SNX24: variants seen among roughly 807,000 people sequenced by gnomAD.
The protein encoded by SNX24 is sorting nexin-24.
In SNX24, 22 loss-of-function variants were observed where a neutral mutation model predicts 28.7. That is an observed-to-expected ratio of 0.77 (90% CI 0.55 to 1.10). The LOEUF (loss-of-function observed/expected upper bound fraction) is 1.10. Ranked by LOEUF, SNX24 falls within the 50% of genes least tolerant of loss-of-function variation. The pLI is 0.00. For missense variants in SNX24, 221 were observed against 201.1 expected (o/e 1.10, Z -0.60); for synonymous variants, 69 against 71.5 (o/e 0.96, Z 0.18).
At chr5:122,861,828 G>A (rs1755472865) in intron 1 of SNX24, among the ~76,000 whole-genome samples, 1 of 152,020 alleles carries the variant, frequency 6.6e-6, no homozygotes, top group Admixed American at 6.6e-5. Context: ...AATCTCACCA[G>A]CTGCCTTTTC....
chr5:122,958,848 C>T (rs1760335793), intron 3 of SNX24, among the ~76,000 whole-genome samples: 1 of 152,094 alleles, frequency 6.6e-6, no homozygotes, highest in Non-Finnish European at 1.5e-5. Flanking sequence ...GCATGAGCCA[C>T]CCCACCTGGC....
intron 1 of SNX24, among the ~76,000 whole-genome samples, chr5:122,872,738 A>G (rs1223821555): frequency 6.6e-6 from 1 of 151,354 alleles, no homozygotes; most frequent in African/African-American, 2.4e-5. Flanking sequence ...TTTGTTTTCT[A>G]TTCACAGTCG....
At chr5:122,895,008 CTTT>C (rs11292012) in intron 1 of SNX24, among the ~76,000 whole-genome samples, 15 of 144,434 alleles carry the variant, frequency 1.0e-4, no homozygotes, top group East Asian at 2.0e-4. Context: ...TTTAACAGTA[CTTT>C]TTTTTTTTTT....
intron 1 of SNX24, among the ~76,000 whole-genome samples, chr5:122,876,281 C>T (rs1381380293): frequency 6.6e-6 from 1 of 152,168 alleles, no homozygotes; most frequent in Non-Finnish European, 1.5e-5. Context: ...TAAAAGCAGC[C>T]TTTGCCTAGA....
chr5:122,946,603 G>A (rs937051365), intron 3 of SNX24, among the ~76,000 whole-genome samples: 4 of 152,118 alleles, frequency 2.6e-5, no homozygotes, highest in Non-Finnish European at 4.4e-5. Context: ...GAAAAGGAAT[G>A]TATAAAAATT....
intron 1 of SNX24, among the ~76,000 whole-genome samples, chr5:122,873,760 C>CTTTT (rs909560379): frequency 6.6e-5 from 8 of 120,640 alleles, no homozygotes; most frequent in African/African-American, 9.4e-5. Flanking sequence ...CAAAGGGAAT[C>CTTTT]TTTTTTTTTT....
intron 1 of SNX24, among the ~76,000 whole-genome samples, chr5:122,863,168 AAAAG>A (rs1755556546): frequency 6.6e-6 from 1 of 152,308 alleles, no homozygotes; most frequent in East Asian, 1.9e-4. Flanking sequence ...ACTATGGAGA[AAAAG>A]AAAGGAAGAG....
chr5:123,024,018 G>C lies in SNX24; in HGVS notation n.384-5220G>C, dbSNP rs370683919. 4 of 1,610,250 alleles carry C rather than the reference G, an allele frequency of 2.5e-6. No homozygotes were observed. In the African/African-American group the frequency reaches 5.3e-5, roughly 22 times the overall value. ...TGCACCACTGTCTGGTGAGAGAAAA[G>C]TAGACACATGGTTTAATTCTGACCA... On this transcript the variant is annotated intron_variant and non_coding_transcript_variant, in intron 5 of 5. Coordinates refer to the SNX24 transcript ENST00000502387.
intron 1 of SNX24, among the ~76,000 whole-genome samples, chr5:122,932,863 A>T (rs1164891688): frequency 8.7e-5 from 1 of 11,528 alleles, no homozygotes. Context: ...TGTCTCAAAA[A>T]AAAAAAAAAA....
chr5:122,879,621 C>T (rs1756385532), intron 1 of SNX24, among the ~76,000 whole-genome samples: 1 of 152,152 alleles, frequency 6.6e-6, no homozygotes, highest in Admixed American at 6.5e-5. Context: ...CTCTCTGTGC[C>T]TCAGTTTCCT....
rs941243911 is a variant in SNX24, at chr5:123,008,794, G to C, written c.*1045G>C. The C allele has an allele frequency of 8.5e-5, 71 of 838,970 alleles. No individual in the cohort carries two copies. In the African/African-American group the frequency reaches 1.2e-3, roughly 14 times the overall value. 52.0% of individuals were successfully genotyped at this position (838,970 alleles called of 1,614,324 possible). Reference sequence around the variant, plus strand: ...GACCTCATTTGTTGAGTTAATGTAAGTTAAATGTGTTTATGATATAACTCC... The same window carrying C: ...GACCTCATTTGTTGAGTTAATGTAACTTAAATGTGTTTATGATATAACTCC... On this transcript the variant is annotated 3_prime_UTR_variant, in exon 7 of 7. Transcript: ENST00000261369.
chr5:122,958,593 G>A (rs1760322167), intron 3 of SNX24, among the ~76,000 whole-genome samples: 1 of 151,932 alleles, frequency 6.6e-6, no homozygotes, highest in South Asian at 2.1e-4. Context: ...AGATGATCAT[G>A]TGGTTTGTTT....
intron 3 of SNX24, among the ~76,000 whole-genome samples, chr5:122,966,676 C>T (rs943035297): frequency 1.3e-5 from 2 of 152,190 alleles, no homozygotes; most frequent in Non-Finnish European, 2.9e-5. Flanking sequence ...AGCCCTGAGT[C>T]TCCACTCTGC....
intron 1 of SNX24, among the ~76,000 whole-genome samples, chr5:122,845,973 GCCGC>G (rs1754612041): frequency 6.6e-6 from 1 of 152,156 alleles, no homozygotes; most frequent in South Asian, 2.1e-4. Context: ...CATTCTCCCC[GCCGC>G]CCGCCTTCGG....
Position 122,851,473 on chromosome 5 carries a change from T to A in SNX24, c.60+5780T>A, listed in dbSNP as rs114213750. On this transcript the variant is annotated intron_variant, in intron 1 of 6. Coordinates refer to ENST00000261369, the MANE Select transcript of SNX24 (RefSeq NM_014035.4). ...TGAGCCACCACACCCAGACTTAGAC[T>A]TCAGTTTTTATAGCTGTAAAAATCA... Among the ~76,000 whole-genome samples, 1,386 of 152,302 alleles carry A rather than the reference T, an allele frequency of 9.1e-3. 15 individuals carry two copies. The highest frequency in any genetic ancestry group is 0.032 in the African/African-American group (1,318 of 41,564).
chr5:122,851,980 T>C (rs1311937039), intron 1 of SNX24, among the ~76,000 whole-genome samples: 3 of 151,856 alleles, frequency 2.0e-5, no homozygotes, highest in African/African-American at 7.2e-5. Flanking sequence ...TCTGGTTGTT[T>C]TTGTTGGTTT....
chr5:122,853,040 AGGCTCATAGCAGAAGCC>A (rs1754994049), intron 1 of SNX24, among the ~76,000 whole-genome samples: 3 of 146,378 alleles, frequency 2.0e-5, no homozygotes, highest in East Asian at 4.4e-4. Context: ...CATTCATGGT[AGGCTCATAGCAGAAGCC>A]CACATTAAAT....
chr5:122,894,000 T>G, intron 1 of SNX24, among the ~76,000 whole-genome samples: 1 of 151,462 alleles, frequency 6.6e-6, no homozygotes. Context: ...ATTATACCAT[T>G]GCACTCCAGC....
At chr5:122,942,743 G>T (rs533713496) in intron 2 of SNX24, among the ~76,000 whole-genome samples, 1 of 152,212 alleles carries the variant, frequency 6.6e-6, no homozygotes, top group South Asian at 2.1e-4. Flanking sequence ...GTTAATCATC[G>T]GATGAAGTGA....
Sources: allele counts gnomAD v4.1 joint callset (sites outside exome capture counted in the v4.1 genomes callset), GRCh38; gene constraint gnomAD v4.1.1; transcripts MANE v1.5; gene names NCBI Gene and HGNC (gene_info 2026-07-23, HGNC 2026-07-21).